Variants in MYO5B observed in about 807,000 individuals in gnomAD.
MYO5B encodes the protein myosin VB.
Under a neutral mutation model 229.3 loss-of-function variants are expected in MYO5B, and 143 were observed. That is an observed-to-expected ratio of 0.62 (90% CI 0.54 to 0.72). The LOEUF (loss-of-function observed/expected upper bound fraction) is 0.72. MYO5B is among the 30% of genes least tolerant of loss of function. The probability of loss-of-function intolerance (pLI) is 0.00; values close to 1 mark genes in which losing one functional copy is unlikely to be tolerated. For missense variants in MYO5B, 2,321 were observed against 2,331.0 expected, an observed-to-expected ratio of 1.00 and a Z score of 0.09; for synonymous variants, 918 against 885.2, an observed-to-expected ratio of 1.04 and a Z score of -0.66.
chr18:50,038,773 T>A (rs957590056), intron 3 of MYO5B, among the ~76,000 whole-genome samples: 1 of 152,228 alleles, frequency 6.6e-6, no homozygotes, highest in African/African-American at 2.4e-5. Flanking sequence ...AGGGTATTCC[T>A]TTAAAAACAG....
chr18:50,171,421 G>T (rs1162257947), intron 1 of MYO5B, among the ~76,000 whole-genome samples: 3 of 126,976 alleles, frequency 2.4e-5, no homozygotes, highest in African/African-American at 9.0e-5. Flanking sequence ...CCTTGGTCTC[G>T]AGAGAGACCA....
At chr18:49,908,678 G>C (rs2024926287) in intron 18 of MYO5B, among the ~76,000 whole-genome samples, 1 of 152,186 alleles carries the variant, frequency 6.6e-6, no homozygotes, top group Admixed American at 6.5e-5. Flanking sequence ...ATTCAGGCTT[G>C]CACGACAGCC....
At chr18:49,957,983 TTCC>T (rs1280832207) in intron 12 of MYO5B, among the ~76,000 whole-genome samples, 2 of 152,234 alleles carry the variant, frequency 1.3e-5, no homozygotes, top group East Asian at 3.9e-4. Flanking sequence ...AGGCAGCTCC[TTCC>T]TCCTCACCTG....
chr18:49,987,949 C>A (rs1290201730), intron 7 of MYO5B, among the ~76,000 whole-genome samples: 1 of 152,090 alleles, frequency 6.6e-6, no homozygotes, highest in African/African-American at 2.4e-5. Context: ...TTTTTACCAT[C>A]ATTTATTCAC....
chr18:49,898,466 AGTT>A (rs2024805176), intron 21 of MYO5B, among the ~76,000 whole-genome samples: 1 of 152,244 alleles, frequency 6.6e-6, no homozygotes, highest in Non-Finnish European at 1.5e-5. Flanking sequence ...GCTTGACTAA[AGTT>A]AGGCTGGCAG....
chr18:50,169,490 TCATCATCACAGTATC>T lies in MYO5B; in HGVS notation c.27+25262_27+25276del, dbSNP rs1430132508. Among the ~76,000 whole-genome samples the T allele has an allele frequency of 2.4e-5, 3 of 126,654 alleles. 1 individual carries two copies. The highest frequency in any genetic ancestry group is 5.0e-5 in the Non-Finnish European group (3 of 59,562). The allele number at this position is 126,654 out of a possible 152,430, so 83.1% of individuals were successfully genotyped here. ...TAACATGCCACCGCATGGGTTGCAA[TCATCATCACAGTATC>T]CAGAGAAAAAGACATGGCCCAAGTG... On this transcript the variant is annotated intron_variant, in intron 1 of 39. Transcript: ENST00000285039.
chr18:49,915,111 A>T (rs1291853265), intron 17 of MYO5B, among the ~76,000 whole-genome samples: 1 of 152,166 alleles, frequency 6.6e-6, no homozygotes, highest in Non-Finnish European at 1.5e-5. Flanking sequence ...ATAAGAGCAA[A>T]TACCAAAATG....
At chr18:50,102,265 A>G (rs1370719048) in intron 1 of MYO5B, among the ~76,000 whole-genome samples, 1 of 152,082 alleles carries the variant, frequency 6.6e-6, no homozygotes, top group South Asian at 2.1e-4. Flanking sequence ...GAGGGGAGAG[A>G]CGAGTTAATA....
chr18:49,939,232 G>C (rs1327995620), intron 14 of MYO5B, among the ~76,000 whole-genome samples: 1 of 139,570 alleles, frequency 7.2e-6, no homozygotes, highest in Non-Finnish European at 1.5e-5. Flanking sequence ...TGCAAGCTCT[G>C]CCTCCCAGGT....
intron 29 of MYO5B, among the ~76,000 whole-genome samples, chr18:49,860,302 G>A (rs2024313346): frequency 6.6e-6 from 1 of 152,108 alleles, no homozygotes; most frequent in Admixed American, 6.5e-5. Context: ...GGCAACTTGT[G>A]CCCTCCTAAA....
chr18:50,179,939 C>T (rs1198883466), intron 1 of MYO5B, among the ~76,000 whole-genome samples: 3 of 152,130 alleles, frequency 2.0e-5, no homozygotes, highest in Non-Finnish European at 2.9e-5. Flanking sequence ...GGTATCAATG[C>T]GGGATGCTCT....
chr18:49,908,865 G>A (rs1308904135), intron 18 of MYO5B, among the ~76,000 whole-genome samples: 1 of 152,178 alleles, frequency 6.6e-6, no homozygotes. Flanking sequence ...ACAAATTCAG[G>A]TTAAGAATGA....
At chr18:49,991,110 G>A (rs1229281258) in intron 6 of MYO5B, among the ~76,000 whole-genome samples, 1 of 152,184 alleles carries the variant, frequency 6.6e-6, no homozygotes, top group South Asian at 2.1e-4. Flanking sequence ...GTCCAGGAAA[G>A]AGCCATGAGC....
chr18:49,851,279 A>G (rs1055425393), intron 31 of MYO5B, among the ~76,000 whole-genome samples: 2 of 152,192 alleles, frequency 1.3e-5, no homozygotes, highest in Non-Finnish European at 2.9e-5. Flanking sequence ...GGTGATTGTA[A>G]GATCCATGTC....
At chr18:50,040,346 G>C in intron 2 of MYO5B, 32 bp from the exon 3 acceptor site, 1 of 1,607,310 alleles carries the variant, frequency 6.2e-7, no homozygotes, top group African/African-American at 1.3e-5. Flanking sequence ...ACACAAAAAG[G>C]TGGTTATGAA....
rs1233634156 is a variant in MYO5B at position 49,895,125 on chromosome 18, G to A, written c.2861C>T (p.Thr954Ile). 1.2e-6 allele frequency: 2 copies of A among 1,613,872 alleles called. No homozygotes were observed. The highest frequency in any genetic ancestry group is 1.7e-6 in the Non-Finnish European group (2 of 1,180,012). ...LSEQLSVTTS[T>I]YTMEVERLKK... The stretch of plus-strand genomic sequence containing the variant: ...CAGCCGCTCTACCTCCATGGTGTAT[G>A]TTGAGGTGGTCACGGACAACTGCTC... The change falls in exon 22 of 40, where the codon ACA becomes ATA. Residue 954 changes from threonine to isoleucine, a missense_variant. Transcript: ENST00000285039.
At chr18:50,102,254 C>T (rs1407519579) in intron 1 of MYO5B, among the ~76,000 whole-genome samples, 3 of 151,794 alleles carry the variant, frequency 2.0e-5, no homozygotes, top group African/African-American at 7.3e-5. Flanking sequence ...TGTTGTGGGG[C>T]GAGGGGAGAG....
chr18:49,837,865 C>T, intron 36 of MYO5B, 63 bp from the exon 37 acceptor site: 1 of 1,585,102 alleles, frequency 6.3e-7, no homozygotes, highest in Non-Finnish European at 8.7e-7. Flanking sequence ...GATTGGACCA[C>T]TCAAATCATT....
At chr18:50,191,668 C>T (rs557425426) in intron 1 of MYO5B, among the ~76,000 whole-genome samples, 1 of 138,862 alleles carries the variant, frequency 7.2e-6, no homozygotes, top group East Asian at 2.0e-4. Flanking sequence ...ATTCAATTGT[C>T]CATTAGCCTC....
Sources: gnomAD v4.1 joint callset for allele counts (sites outside exome capture counted in the v4.1 genomes callset) on GRCh38, gnomAD v4.1.1 for gene constraint, MANE v1.5 for transcripts, NCBI Gene and HGNC (gene_info 2026-07-23, HGNC 2026-07-21) for gene names.